PLAC1: variants seen among roughly 807,000 people sequenced by gnomAD.
The protein encoded by PLAC1 is placenta associated 1, also known as placenta-specific protein 1.
For synonymous variants in PLAC1, 68 were observed against 62.1 expected (o/e 1.09, Z -0.44); for missense variants, 136 against 163.2 (o/e 0.83, Z 0.91).
intron 2 of PLAC1, among the ~76,000 whole-genome samples, chrX:134,591,057 A>G (rs184574188): frequency 3.3e-4 from 37 of 111,016 alleles, no homozygotes; most frequent in African/African-American, 1.2e-3. Flanking sequence ...TCTTCATGCA[A>G]CTCTGTGTTA....
At chrX:134,642,429 T>C (rs1040815371) in intron 1 of PLAC1, among the ~76,000 whole-genome samples, 2 of 111,526 alleles carry the variant, frequency 1.8e-5, no homozygotes, top group African/African-American at 6.5e-5. Flanking sequence ...CAAATATTAA[T>C]ACTATGTTAG....
intron 2 of PLAC1, among the ~76,000 whole-genome samples, chrX:134,685,449 CTTTTT>C (rs200498313): frequency 6.1e-5 from 3 of 49,162 alleles, no homozygotes; most frequent in African/African-American, 8.0e-5. Context: ...AATGGCGTCC[CTTTTT>C]TTTTTTTTTT....
At chrX:134,724,894 C>T (rs1004613825) in intron 2 of PLAC1, among the ~76,000 whole-genome samples, 5 of 110,557 alleles carry the variant, frequency 4.5e-5, no homozygotes, top group African/African-American at 1.6e-4. Context: ...GTCCCAGCTA[C>T]TTGGGAGACA....
Position 134,711,660 on chromosome X carries a change from A to G in PLAC1, n.174+21775T>C, listed in dbSNP as rs758708730. ...TTCTCTCTGTCGCTTTACATGGAGG[A>G]GAAACTGGATTTCTGTTCCACACAG... On this transcript the variant is annotated intron_variant and non_coding_transcript_variant, in intron 2 of 2. Coordinates refer to the PLAC1 transcript ENST00000466797. 4.5e-5 allele frequency among the ~76,000 whole-genome samples: 5 copies of G among 112,200 alleles called. No homozygotes were observed. The South Asian group carries it at 1.9e-3, about 42-fold the overall frequency.
intron 2 of PLAC1, among the ~76,000 whole-genome samples, chrX:134,700,921 A>C (rs1159109937): frequency 8.9e-6 from 1 of 112,248 alleles, no homozygotes; most frequent in East Asian, 2.8e-4. Context: ...CATATTTCAC[A>C]TAATTAGAAA....
intron 2 of PLAC1, among the ~76,000 whole-genome samples, chrX:134,687,051 G>C (rs182797977): frequency 9.0e-6 from 1 of 111,626 alleles, no homozygotes; most frequent in African/African-American, 3.3e-5. Flanking sequence ...TTAGTGGAAA[G>C]ATATTATGAA....
At chrX:134,713,602 C>T (rs1413650018) in intron 2 of PLAC1, among the ~76,000 whole-genome samples, 1 of 111,969 alleles carries the variant, frequency 8.9e-6, no homozygotes, top group Non-Finnish European at 1.9e-5. Flanking sequence ...TTCGCTGGGA[C>T]ATAATATGGC....
intron 1 of PLAC1, among the ~76,000 whole-genome samples, chrX:134,742,998 T>C (rs1351595253): frequency 1.8e-5 from 2 of 111,256 alleles, no homozygotes; most frequent in Non-Finnish European, 3.8e-5. Context: ...AGAAGTGAAA[T>C]AGCACATGTT....
At chrX:134,682,183 G>A (rs113278278) in intron 2 of PLAC1, among the ~76,000 whole-genome samples, 1,292 of 112,506 alleles carry the variant, frequency 0.011, 16 homozygotes, top group African/African-American at 0.038. Flanking sequence ...TGATGGTTGC[G>A]AAATGGTGAT....
intron 1 of PLAC1, among the ~76,000 whole-genome samples, chrX:134,649,221 C>T (rs1312387522): frequency 6.9e-5 from 7 of 101,417 alleles, no homozygotes; most frequent in South Asian, 4.8e-4. Flanking sequence ...GCAGAGATAG[C>T]GCCACTGCAC....
At chrX:134,760,961 G>A (rs1055970222) in intron 1 of PLAC1, among the ~76,000 whole-genome samples, 15 of 111,039 alleles carry the variant, frequency 1.4e-4, no homozygotes, top group African/African-American at 4.6e-4. Flanking sequence ...AACAATCCCA[G>A]CTGAAGCCAT....
At chrX:134,745,418 G>A (rs1254664968) in intron 1 of PLAC1, among the ~76,000 whole-genome samples, 1 of 111,753 alleles carries the variant, frequency 8.9e-6, no homozygotes, top group Non-Finnish European at 1.9e-5. Context: ...TCCACCCACT[G>A]GAGCTGGAAG....
At chrX:134,762,808 T>A (rs2078772996) in intron 1 of PLAC1, among the ~76,000 whole-genome samples, 1 of 71,426 alleles carries the variant, frequency 1.4e-5, no homozygotes, top group African/African-American at 6.0e-5. Flanking sequence ...GGTGACAGAA[T>A]GAGGCTCTAT....
chrX:134,698,754 C>A (rs1250185792), intron 2 of PLAC1, among the ~76,000 whole-genome samples: 1 of 111,736 alleles, frequency 8.9e-6, no homozygotes, highest in Non-Finnish European at 1.9e-5. Flanking sequence ...ATCTTGACAT[C>A]TCCCCTTGAG....
chrX:134,580,249 A>G (rs1187706008), intron 2 of PLAC1, among the ~76,000 whole-genome samples: 1 of 112,352 alleles, frequency 8.9e-6, no homozygotes, highest in East Asian at 2.8e-4. Flanking sequence ...AGTTGCTTAA[A>G]CGTAGCGACT....
intron 1 of PLAC1, among the ~76,000 whole-genome samples, chrX:134,622,738 T>C (rs1016924596): frequency 2.7e-5 from 3 of 111,844 alleles, no homozygotes; most frequent in African/African-American, 9.8e-5. Flanking sequence ...TATATGACTA[T>C]AGGGCAATTA....
At chrX:134,625,856 T>C (rs187671229) in intron 1 of PLAC1, among the ~76,000 whole-genome samples, 32 of 110,532 alleles carry the variant, frequency 2.9e-4, no homozygotes, top group African/African-American at 9.2e-4. Context: ...GGGAAATGGG[T>C]CTCGGAGGCT....
chrX:134,643,895 G>C (rs60286504), intron 1 of PLAC1, among the ~76,000 whole-genome samples: 2 of 106,019 alleles, frequency 1.9e-5, no homozygotes, highest in African/African-American at 6.8e-5. Context: ...AAGTTACTTA[G>C]CTTTTCTATG....
intron 2 of PLAC1, among the ~76,000 whole-genome samples, chrX:134,695,182 T>C (rs2078558136): frequency 8.9e-6 from 1 of 111,981 alleles, no homozygotes; most frequent in Admixed American, 9.5e-5. Context: ...ATATAGGTGA[T>C]AGAGAATTCT....
Sources: gnomAD v4.1 joint callset for allele counts (sites outside exome capture counted in the v4.1 genomes callset) on GRCh38, gnomAD v4.1.1 for gene constraint, MANE v1.5 for transcripts, NCBI Gene and HGNC (gene_info 2026-07-23, HGNC 2026-07-21) for gene names.